DGAT2: variants seen among roughly 807,000 people sequenced by gnomAD.
DGAT2 encodes the protein diacylglycerol O-acyltransferase 2, also known as acyl-CoA retinol O-fatty-acyltransferase.
Under a neutral mutation model 48.4 loss-of-function variants are expected in DGAT2, and 33 were observed. The ratio of observed to expected loss-of-function variants is 0.68; its 90% CI spans 0.52 to 0.91. The LOEUF is 0.91. Ranked by LOEUF, DGAT2 falls within the 40% of genes least tolerant of loss-of-function variation. The pLI is 0.00. For missense variants in DGAT2, 446 were observed against 493.7 expected, an observed-to-expected ratio of 0.90 and a Z score of 0.92; for synonymous variants, 191 against 194.1, an observed-to-expected ratio of 0.98 and a Z score of 0.13.
intron 2 of DGAT2, among the ~76,000 whole-genome samples, chr11:75,786,271 AC>A (rs1440461290): frequency 6.6e-6 from 1 of 152,066 alleles, no homozygotes; most frequent in Admixed American, 6.6e-5. Flanking sequence ...GCACAGTGTG[AC>A]CCCTTCTTGT....
chr11:75,776,462 C>T (rs1944804125), intron 1 of DGAT2: 1 of 152,322 alleles, frequency 6.6e-6, no homozygotes, highest in Admixed American at 6.5e-5. Context: ...GAAGACTTTC[C>T]AGAGAAAGAG....
In DGAT2 at chr11:75,800,709, AG is replaced by A. The variant is rs1166165202; in HGVS notation, c.*203del. ...TTTCACTTCCAGCTTGCCCTGTTCT[AG>A]GTGGTGGCTAAATCTGGGCCTAATC... On this transcript the variant is annotated 3_prime_UTR_variant, in exon 8 of 8. Transcript: ENST00000228027. 3 of 650,244 alleles carry A rather than the reference AG, an allele frequency of 4.6e-6. No individual in the cohort carries two copies. In the African/African-American group the frequency reaches 5.6e-5, roughly 12 times the overall value. 40.3% of individuals were successfully genotyped at this position (650,244 alleles called of 1,614,324 possible).
Position 75,790,710 on chromosome 11 carries a change from T to A in DGAT2, c.408T>A (p.Phe136Leu). ...WVRNWAVWRY[F>L]RDYFPIQLVK... ...GAAACTGGGCTGTGTGGCGCTACTTTCGAGACTACTTTCCCATCCAGGTAA... is the reference window on the plus strand; with the variant it reads ...GAAACTGGGCTGTGTGGCGCTACTTACGAGACTACTTTCCCATCCAGGTAA... Residue 136 changes from phenylalanine to leucine, a missense_variant, in exon 4 of 8, where the codon TTT becomes TTA. Coordinates refer to ENST00000228027, the MANE Select transcript of DGAT2 (RefSeq NM_032564.5). 6.2e-7 allele frequency: 1 copy of A among 1,614,198 alleles called. No homozygotes were observed. Among genetic ancestry groups the A allele is most frequent in the Non-Finnish European group, 8.5e-7 (1 of 1,180,040 alleles).
At chr11:75,770,517 G>T (rs1944747522) in intron 1 of DGAT2, among the ~76,000 whole-genome samples, 2 of 152,128 alleles carry the variant, frequency 1.3e-5, no homozygotes, top group African/African-American at 4.8e-5. Flanking sequence ...GACATCAATG[G>T]ATGAATGGAC....
At chr11:75,794,999 C>CCCTCT (rs1032491791) in intron 4 of DGAT2, 6 of 142,320 alleles carry the variant, frequency 4.2e-5, no homozygotes, top group East Asian at 2.3e-4. Context: ...CGTTCCTCTC[C>CCCTCT]CCTCTCCTCT....
At chr11:75,782,941 A>G (rs1157375702) in intron 1 of DGAT2, among the ~76,000 whole-genome samples, 1 of 152,068 alleles carries the variant, frequency 6.6e-6, no homozygotes, top group Non-Finnish European at 1.5e-5. Context: ...ATACTGGATG[A>G]CCCCAGAGGG....
chr11:75,788,357 A>T (rs992129711), intron 2 of DGAT2, among the ~76,000 whole-genome samples: 1 of 152,194 alleles, frequency 6.6e-6, no homozygotes, highest in South Asian at 2.1e-4. Flanking sequence ...TTTGCTTTTA[A>T]CAGGCTCTTG....
chr11:75,800,375 C>T lies in DGAT2; in HGVS notation c.1034C>T (p.Pro345Leu), dbSNP rs138423103. ...GCAGTGGGAGAGCCCATCACCATCCCCAAGCTGGAGCACCCAACCCAGCAA... is the reference window on the plus strand; with the variant it reads ...GCAGTGGGAGAGCCCATCACCATCCTCAAGCTGGAGCACCCAACCCAGCAA... ...TTVVGEPITI[P>L]KLEHPTQQDI... Residue 345 changes from proline to leucine, a missense_variant, in exon 8 of 8, where the codon CCC (proline) becomes CTC (leucine). Physicochemically the swap from Pro to Leu is moderately conservative, Grantham distance 98. Coordinates refer to ENST00000228027, the MANE Select transcript of DGAT2 (RefSeq NM_032564.5). The T allele has an allele frequency of 6.0e-4, 971 of 1,614,040 alleles. No homozygotes were observed. Among genetic ancestry groups the T allele is most frequent in the Non-Finnish European group, 7.8e-4 (917 of 1,180,018 alleles).
At chr11:75,775,238 G>A (rs929001889) in intron 1 of DGAT2, among the ~76,000 whole-genome samples, 5 of 152,202 alleles carry the variant, frequency 3.3e-5, no homozygotes, top group Admixed American at 6.5e-5. Context: ...AGAGAGGGGA[G>A]GAAGAGGCTT....
At chr11:75,795,172 G>C (rs955263418) in intron 4 of DGAT2, 1 of 151,830 alleles carries the variant, frequency 6.6e-6, no homozygotes, top group Non-Finnish European at 1.5e-5. Context: ...CCACAGGTGC[G>C]TGCCACCATG....
chr11:75,789,903 A>T (rs547847253), intron 2 of DGAT2, among the ~76,000 whole-genome samples: 2 of 152,306 alleles, frequency 1.3e-5, no homozygotes, highest in African/African-American at 4.8e-5. Flanking sequence ...AAGAAGCTGA[A>T]GCCTATCTCC....
Position 75,796,564 on chromosome 11 carries a change from C to A in DGAT2, c.634+32C>A. 3 of 1,600,370 alleles carry A rather than the reference C, an allele frequency of 1.9e-6. No homozygotes were observed. The South Asian group carries it at 3.4e-5, about 18-fold the overall frequency. ...ATCCACCCCCTGTGCTCCTGCTGGG[C>A]ACTGTTGTCAAGGCCTGAGCCTCTC... On this transcript the variant is annotated intron_variant, in intron 5 of 7. Transcript: ENST00000228027.
chr11:75,778,222 G>A (rs1944821230), intron 1 of DGAT2, among the ~76,000 whole-genome samples: 1 of 152,002 alleles, frequency 6.6e-6, no homozygotes. Context: ...TGAGTATTTG[G>A]GTCTGCCTCA....
chr11:75,791,196 C>T (rs73504578), intron 4 of DGAT2, among the ~76,000 whole-genome samples: 2 of 152,154 alleles, frequency 1.3e-5, no homozygotes, highest in African/African-American at 4.8e-5. Context: ...GGAGGCAGCA[C>T]GTGAATGTGA....
At chr11:75,788,878 C>A (rs1309493445) in intron 2 of DGAT2, among the ~76,000 whole-genome samples, 1 of 152,150 alleles carries the variant, frequency 6.6e-6, no homozygotes, top group Non-Finnish European at 1.5e-5. Context: ...AATTCACAGG[C>A]AAGAGATGAT....
intron 6 of DGAT2, 88 bp from the exon 7 acceptor site, chr11:75,798,139 T>G: frequency 7.3e-7 from 1 of 1,365,772 alleles, no homozygotes; most frequent in Non-Finnish European, 1.0e-6. Context: ...GGGAGGGGGA[T>G]GCTTGGCCAG....
At chr11:75,782,476 C>T (rs1237791206) in intron 1 of DGAT2, among the ~76,000 whole-genome samples, 1 of 152,208 alleles carries the variant, frequency 6.6e-6, no homozygotes. Flanking sequence ...ACTTAACCAG[C>T]CTCCGGTGGC....
At chr11:75,779,403 G>C (rs780312096) in intron 1 of DGAT2, among the ~76,000 whole-genome samples, 2 of 152,104 alleles carry the variant, frequency 1.3e-5, no homozygotes, top group Admixed American at 6.5e-5. Context: ...TTAAGTCCTG[G>C]CTCCCACACC....
chr11:75,773,762 T>C (rs888333610), intron 1 of DGAT2: 2 of 152,216 alleles, frequency 1.3e-5, no homozygotes, highest in Non-Finnish European at 2.9e-5. Context: ...CAGGGGGATG[T>C]ACACAAGATG....
Sources: gnomAD v4.1 joint callset for allele counts (sites outside exome capture counted in the v4.1 genomes callset) on GRCh38, gnomAD v4.1.1 for gene constraint, MANE v1.5 for transcripts, NCBI Gene and HGNC (gene_info 2026-07-23, HGNC 2026-07-21) for gene names.